The following CENPK variants were observed in gnomAD, a reference collection of about 807,000 sequenced individuals.
CENPK encodes SoxLZ/Sox6-binding protein Solt.
A neutral mutation model predicts 40.9 loss-of-function variants in CENPK; 46 were observed. That is an observed-to-expected ratio of 1.13 (90% confidence interval 0.89 to 1.44). The LOEUF is 1.44. CENPK is among the 40% of genes most tolerant of loss of function. The pLI is 0.00. For synonymous variants in CENPK, 107 were observed against 104.4 expected (o/e 1.02, Z -0.15); for missense variants, 288 against 303.5 (o/e 0.95, Z 0.38).
chr5:65,496,068 G>A, the CENPK span, among the ~76,000 whole-genome samples: 12 of 152,116 alleles, frequency 7.9e-5, 1 homozygote, highest in Admixed American at 7.9e-4. Flanking sequence ...ACCAGTCTGG[G>A]CAACATGGCA....
chr5:65,504,441 G>A, the CENPK span, among the ~76,000 whole-genome samples: 6 of 109,664 alleles, frequency 5.5e-5, no homozygotes, highest in African/African-American at 2.1e-4. Context: ...TGGGAGACAA[G>A]AGCAAAATTC....
chr5:65,545,135 T>TG (rs1198762442), intron 5 of CENPK, among the ~76,000 whole-genome samples: 1 of 151,286 alleles, frequency 6.6e-6, no homozygotes, highest in Non-Finnish European at 1.5e-5. Context: ...AGGAGAAAGG[T>TG]GGGGGGAGTT....
At chr5:65,513,705 C>G (rs62369002), downstream of CENPK, among the ~76,000 whole-genome samples, 11,274 of 152,180 alleles carry the variant, frequency 0.074, 425 homozygotes, top group East Asian at 0.095. Context: ...TTTGTTGAGA[C>G]ATAGGAATTT....
chr5:65,513,086 T>C (rs1398134923), downstream of CENPK, among the ~76,000 whole-genome samples: 1 of 152,224 alleles, frequency 6.6e-6, no homozygotes, highest in Non-Finnish European at 1.5e-5. Context: ...CTTTATCAGA[T>C]ATATTTTGCA....
At chr5:65,523,023 T>C (rs1437353250) in intron 9 of CENPK, among the ~76,000 whole-genome samples, 1 of 152,252 alleles carries the variant, frequency 6.6e-6, no homozygotes, top group Non-Finnish European at 1.5e-5. Context: ...TAGCTAAAAA[T>C]GTCTTCCTTA....
intron 10 of CENPK, among the ~76,000 whole-genome samples, chr5:65,521,009 G>C (rs1743624903): frequency 6.6e-6 from 1 of 152,116 alleles, no homozygotes; most frequent in African/African-American, 2.4e-5. Flanking sequence ...TGTAAGAAAA[G>C]AGACTGATGT....
intron 5 of CENPK, among the ~76,000 whole-genome samples, chr5:65,548,465 C>T (rs865780115): frequency 6.6e-5 from 10 of 151,098 alleles, no homozygotes; most frequent in Non-Finnish European, 1.0e-4. Flanking sequence ...TGGCTGTGGC[C>T]GTTTCTTAAA....
chr5:65,508,411 T>C, the CENPK span, among the ~76,000 whole-genome samples: 42 of 152,220 alleles, frequency 2.8e-4, no homozygotes, highest in Non-Finnish European at 5.4e-4. Flanking sequence ...TTATTCAGTG[T>C]ATTAAAATCA....
Position 65,563,155 on chromosome 5 carries a change from C to G in CENPK, c.-199G>C, listed in dbSNP as rs542352928. On this transcript the variant is annotated 5_prime_UTR_variant, in exon 1 of 11. Transcript: ENST00000396679. ...GCGCTGCGCAGGAAGCGCTTGCCAGCCCCGGACTTCTGCGCGCGCTGCATG... is the reference window on the plus strand; with the variant it reads ...GCGCTGCGCAGGAAGCGCTTGCCAGGCCCGGACTTCTGCGCGCGCTGCATG... The G allele has an allele frequency of 8.3e-6, 8 of 968,174 alleles. No individual in the cohort carries two copies. The South Asian group carries it at 1.2e-4, about 15-fold the overall frequency. The allele number at this position is 968,174 out of a possible 1,614,324, so 60.0% of individuals were successfully genotyped here. A position where few individuals can be genotyped will look rare whatever the true frequency, so the allele number is the denominator to read the frequency against.
chr5:65,528,906 A>C lies in CENPK; in HGVS notation c.470+13T>G. The C allele has an allele frequency of 1.4e-6, 2 of 1,419,890 alleles. No individual in the cohort carries two copies. The highest frequency in any genetic ancestry group is 2.0e-6 in the Non-Finnish European group (2 of 1,021,544). 88.0% of individuals were successfully genotyped at this position (1,419,890 alleles called of 1,614,324 possible). A position where few individuals can be genotyped will look rare whatever the true frequency, so the allele number is the denominator to read the frequency against. On this transcript the variant is annotated intron_variant, in intron 8 of 10. Coordinates refer to ENST00000396679, the MANE Select transcript of CENPK (RefSeq NM_022145.5). ...TTTTCCTATTTTAAAAACCTAGAACATAAAATTAATACCTTGATTCAGAAA... is the reference window on the plus strand; with the variant it reads ...TTTTCCTATTTTAAAAACCTAGAACCTAAAATTAATACCTTGATTCAGAAA...
At chr5:65,518,749 C>A in intron 10 of CENPK, 116 bp from the exon 11 acceptor site, 1 of 616,466 alleles carries the variant, frequency 1.6e-6, no homozygotes. Flanking sequence ...CTGTTTAATA[C>A]TTTTAATCTA....
At chr5:65,560,314 T>TA (rs200931478) in intron 2 of CENPK, among the ~76,000 whole-genome samples, 2,210 of 151,652 alleles carry the variant, frequency 0.015, 47 homozygotes, top group African/African-American at 0.051. Flanking sequence ...AACTCACCAT[T>TA]AAAAAAAATT....
At chr5:65,532,640 T>A (rs1486683105) in intron 6 of CENPK, among the ~76,000 whole-genome samples, 2 of 151,982 alleles carry the variant, frequency 1.3e-5, no homozygotes, top group Non-Finnish European at 2.9e-5. Flanking sequence ...GGGACGGTGG[T>A]GGGTCTTGCC....
rs578036994 is a variant in CENPK at position 65,535,335 on chromosome 5, C to T, written c.289-6136G>A. On this transcript the variant is annotated intron_variant, in intron 6 of 10. Transcript: ENST00000396679. ...AACCTTGGACATTACTAAAGCCTGTCTTCAGAACTGCCCTTGGTCAGTTCC... is the reference window on the plus strand; with the variant it reads ...AACCTTGGACATTACTAAAGCCTGTTTTCAGAACTGCCCTTGGTCAGTTCC... 5.3e-5 allele frequency among the ~76,000 whole-genome samples: 8 copies of T among 152,276 alleles called. No homozygotes were observed. The South Asian group carries it at 1.5e-3, about 28-fold the overall frequency.
At chr5:65,506,521 C>A in the CENPK span, among the ~76,000 whole-genome samples, 1 of 152,104 alleles carries the variant, frequency 6.6e-6, no homozygotes, top group South Asian at 2.1e-4. Context: ...TGGTGGCTCA[C>A]ACCTGTAATC....
chr5:65,519,339 T>C (rs1257059295), intron 10 of CENPK, among the ~76,000 whole-genome samples: 1 of 152,196 alleles, frequency 6.6e-6, no homozygotes, highest in African/African-American at 2.4e-5. Context: ...ACTGCTATTA[T>C]AAAAGTTTTT....
intron 5 of CENPK, among the ~76,000 whole-genome samples, chr5:65,545,374 ACACACACG>A (rs1748740343): frequency 8.3e-6 from 1 of 120,032 alleles, no homozygotes; most frequent in Non-Finnish European, 1.8e-5. Context: ...ACACACACAC[ACACACACG>A]CCTTCTCTAT....
chr5:65,548,982 GA>G (rs559539255), intron 5 of CENPK, among the ~76,000 whole-genome samples: 186 of 152,262 alleles, frequency 1.2e-3, no homozygotes, highest in African/African-American at 4.4e-3. Flanking sequence ...ATACTTTCCA[GA>G]AGGTTTCAAT....
chr5:65,505,074 T>A, the CENPK span, among the ~76,000 whole-genome samples: 1 of 152,172 alleles, frequency 6.6e-6, no homozygotes, highest in Non-Finnish European at 1.5e-5. Context: ...ACTACAGGTA[T>A]GTCCCACCAT....
Sources: allele counts gnomAD v4.1 joint callset (sites outside exome capture counted in the v4.1 genomes callset), GRCh38; gene constraint gnomAD v4.1.1; transcripts MANE v1.5; gene names NCBI Gene and HGNC (gene_info 2026-07-23, HGNC 2026-07-21).